DLGAP4: variants seen among roughly 807,000 people sequenced by gnomAD.
DLGAP4 encodes disks large-associated protein 4.
A neutral mutation model predicts 86.9 loss-of-function variants in DLGAP4; 18 were observed. That is an observed-to-expected ratio of 0.21 (90% CI 0.14 to 0.31). The LOEUF is 0.31. DLGAP4 is among the 10% of genes least tolerant of loss of function. DLGAP4 has a pLI of 1.00. For missense variants in DLGAP4, 1,085 were observed against 1,362.6 expected, an observed-to-expected ratio of 0.80 and a Z score of 3.21; for synonymous variants, 548 against 574.3, an observed-to-expected ratio of 0.95 and a Z score of 0.65.
chr20:36,475,563 C>T (rs1292510411), intron 7 of DLGAP4, among the ~76,000 whole-genome samples: 1 of 152,172 alleles, frequency 6.6e-6, no homozygotes. Context: ...ACTAACACAT[C>T]CATTACTGCC....
intron 1 of DLGAP4, among the ~76,000 whole-genome samples, chr20:36,332,303 G>A (rs557999487): frequency 1.1e-4 from 17 of 152,050 alleles, no homozygotes; most frequent in South Asian, 1.0e-3. Context: ...CGATCTCCAC[G>A]GCCCCCCTCC....
chr20:36,379,090 G>A (rs576380427), intron 2 of DLGAP4, among the ~76,000 whole-genome samples: 37 of 152,188 alleles, frequency 2.4e-4, no homozygotes, highest in Non-Finnish European at 4.7e-4. Context: ...GGGGGCCACA[G>A]GACAGTGGTA....
Position 36,393,743 on chromosome 20 carries a change from G to T in DLGAP4, c.-73+26468G>T, listed in dbSNP as rs777239355. On this transcript the variant is annotated intron_variant, in intron 2 of 12. Coordinates refer to ENST00000339266, the MANE Select transcript of DLGAP4 (RefSeq NM_001365621.2). This position sits in a 1 kb window ranked among gnomAD's most constrained non-coding sequence, Gnocchi z 4.4. The stretch of plus-strand genomic sequence containing the variant: ...CCCTTTGTGGCACTTTAGCCATATT[G>T]TCTTGGAATTAGACATAGATTGGGG... 2.4e-4 allele frequency among the ~76,000 whole-genome samples: 37 copies of T among 152,172 alleles called. No individual in the cohort carries two copies. Among genetic ancestry groups the T allele is most frequent in the Non-Finnish European group, 3.8e-4 (26 of 68,016 alleles).
intron 6 of DLGAP4, among the ~76,000 whole-genome samples, chr20:36,446,317 A>G (rs2033590793): frequency 6.6e-6 from 1 of 152,224 alleles, no homozygotes; most frequent in Admixed American, 6.5e-5. Context: ...GTAAATATCC[A>G]GCTACCTACC....
intron 7 of DLGAP4, chr20:36,492,233 T>A (rs2035695213): frequency 6.6e-6 from 1 of 152,186 alleles, no homozygotes; most frequent in South Asian, 2.1e-4. Flanking sequence ...TTAGGTCCCA[T>A]CTCCCTGCTT....
At chr20:36,317,015 C>G (rs2065106656) in intron 1 of DLGAP4, among the ~76,000 whole-genome samples, 1 of 152,188 alleles carries the variant, frequency 6.6e-6, no homozygotes, top group Admixed American at 6.5e-5. Context: ...ACTTCTTGTT[C>G]TTTAAGCCTC....
intron 2 of DLGAP4, among the ~76,000 whole-genome samples, chr20:36,426,912 TCATG>T (rs1248627273): frequency 2.6e-5 from 4 of 151,818 alleles, no homozygotes; most frequent in African/African-American, 9.7e-5. Flanking sequence ...GTGTGGTGGC[TCATG>T]CCTGTAATCC....
intron 1 of DLGAP4, among the ~76,000 whole-genome samples, chr20:36,339,545 T>A (rs782494011): frequency 2.8e-4 from 42 of 152,212 alleles, no homozygotes; most frequent in Admixed American, 1.3e-4. Flanking sequence ...CACCCCTGGC[T>A]AATGTTTTTT....
chr20:36,367,825 T>TG (rs1223136078), intron 2 of DLGAP4, among the ~76,000 whole-genome samples: 1 of 152,176 alleles, frequency 6.6e-6, no homozygotes, highest in African/African-American at 2.4e-5. Flanking sequence ...ACCGTCTGTC[T>TG]GGGGGTGCAA....
chr20:36,447,438 T>C (rs1359440105), intron 7 of DLGAP4, among the ~76,000 whole-genome samples: 1 of 152,186 alleles, frequency 6.6e-6, no homozygotes, highest in Non-Finnish European at 1.5e-5. Context: ...TTTGTTGTTG[T>C]TGAGACAGAG....
chr20:36,378,640 G>A (rs181676948), intron 2 of DLGAP4, among the ~76,000 whole-genome samples: 33 of 151,944 alleles, frequency 2.2e-4, no homozygotes, highest in African/African-American at 7.2e-4. Flanking sequence ...ATGCACGCAC[G>A]CACCTGTGTC....
intron 2 of DLGAP4, among the ~76,000 whole-genome samples, chr20:36,368,700 T>C (rs1438473173): frequency 6.6e-6 from 1 of 152,186 alleles, no homozygotes; most frequent in Non-Finnish European, 1.5e-5. Context: ...ACACACCTTA[T>C]TGTGCTCAAG....
intron 8 of DLGAP4, chr20:36,499,210 CTTTT>C (rs372633959): frequency 8.1e-7 from 1 of 1,231,338 alleles, no homozygotes; most frequent in Non-Finnish European, 1.1e-6. Flanking sequence ...TTTCGTCGTC[CTTTT>C]TTTTTTTTCT....
chr20:36,417,354 G>T (rs1334559924), intron 2 of DLGAP4, among the ~76,000 whole-genome samples: 1 of 134,412 alleles, frequency 7.4e-6, no homozygotes, highest in East Asian at 2.2e-4. Flanking sequence ...GAGCAGGCTG[G>T]AGTTTGAGTT....
At position 36,308,121 on chromosome 20, in the gene DLGAP4, G is replaced by T. The variant is rs782713086; in HGVS notation, c.-304+1609G>T. Reference sequence around the variant, plus strand: ...AGCTCCGGAGACGCTGGCTGTGCACGTGGGGCTGGCTAGAGTGCCTGTCTC... The same window carrying T: ...AGCTCCGGAGACGCTGGCTGTGCACTTGGGGCTGGCTAGAGTGCCTGTCTC... On this transcript the variant is annotated intron_variant, in intron 1 of 12. Coordinates refer to ENST00000339266, the MANE Select transcript of DLGAP4 (RefSeq NM_001365621.2). The surrounding 1 kb of genome is among the most constrained non-coding windows in gnomAD (Gnocchi z 4.5). 6.6e-6 allele frequency among the ~76,000 whole-genome samples: 1 copy of T among 152,224 alleles called. No homozygotes were observed. Among genetic ancestry groups the T allele is most frequent in the Non-Finnish European group, 1.5e-5 (1 of 68,044 alleles).
intron 1 of DLGAP4, among the ~76,000 whole-genome samples, chr20:36,316,179 C>T (rs913255958): frequency 1.3e-5 from 2 of 152,302 alleles, no homozygotes; most frequent in Admixed American, 6.5e-5. Flanking sequence ...TGACCATCCC[C>T]GCCTCCTACC....
chr20:36,519,481 A>G (rs6024886), intron 10 of DLGAP4, among the ~76,000 whole-genome samples: 80 of 152,148 alleles, frequency 5.3e-4, no homozygotes, highest in African/African-American at 1.9e-3. Context: ...TTTTAGTCAG[A>G]GTCTATTCAT....
intron 10 of DLGAP4, among the ~76,000 whole-genome samples, chr20:36,517,127 C>T (rs931438277): frequency 6.6e-6 from 1 of 151,464 alleles, no homozygotes; most frequent in Non-Finnish European, 1.5e-5. Flanking sequence ...GCCTGTAATC[C>T]CAGCACTTTC....
At chr20:36,343,988 G>A (rs2065410745) in intron 1 of DLGAP4, among the ~76,000 whole-genome samples, 1 of 152,228 alleles carries the variant, frequency 6.6e-6, no homozygotes, top group South Asian at 2.1e-4. Flanking sequence ...TTCCGGCCAT[G>A]GGGGTGCAGG....
Sources: allele counts gnomAD v4.1 joint callset (sites outside exome capture counted in the v4.1 genomes callset), GRCh38; gene constraint gnomAD v4.1.1; non-coding constraint Gnocchi (gnomAD v3.1); transcripts MANE v1.5; gene names NCBI Gene and HGNC (gene_info 2026-07-23, HGNC 2026-07-21).